The following RAB5IF variants were observed in gnomAD, a reference collection of about 807,000 sequenced individuals.
RAB5IF encodes the protein GEL complex subunit OPTI.
A neutral mutation model predicts 20.3 loss-of-function variants in RAB5IF; 15 were observed. The ratio of observed to expected loss-of-function variants is 0.74; its 90% CI spans 0.50 to 1.14. RAB5IF has a LOEUF of 1.14. Among genes scored for constraint, RAB5IF ranks in the 50% most tolerant of loss-of-function variants. RAB5IF has a pLI of 0.00. For missense variants in RAB5IF, 148 were observed against 159.5 expected, an observed-to-expected ratio of 0.93 and a Z score of 0.39; for synonymous variants, 67 against 63.7, an observed-to-expected ratio of 1.05 and a Z score of -0.25.
In RAB5IF at chr20:36,606,009, C is replaced by T. The variant is rs1478776984; in HGVS notation, c.58C>T (p.Leu20Phe). 10 of 1,529,574 alleles carry T rather than the reference C, an allele frequency of 6.5e-6. No individual in the cohort carries two copies. The highest frequency in any genetic ancestry group is 8.8e-6 in the Non-Finnish European group (10 of 1,135,516). 94.8% of individuals were successfully genotyped at this position (1,529,574 alleles called of 1,614,324 possible). The change falls in exon 1 of 4, where the codon CTC becomes TTC. Residue 20 changes from leucine (L) to phenylalanine (F), a missense_variant. Transcript: ENST00000344795. ...TCAGCCGCAGCTGGCCAACGGGGCCCTCAAAGTCTCCGTCTGGAGTAAGGT... is the reference window on the plus strand; with the variant it reads ...TCAGCCGCAGCTGGCCAACGGGGCCTTCAAAGTCTCCGTCTGGAGTAAGGT... The part of the protein sequence containing the change: ...PPQPQLANGA[L>F]KVSVWSKVLR...
intron 1 of RAB5IF, 49 bp downstream of exon 1, chr20:36,606,114 TCGGGGAACGGAAGACTGGCG>T (rs1322791756): frequency 5.2e-6 from 6 of 1,153,654 alleles, no homozygotes; most frequent in Non-Finnish European, 7.1e-6. Context: ...CGGCTGGGAC[TCGGGGAACGGAAGACTGGCG>T]CGGGCCTGCC....
chr20:36,607,374 G>T (rs1332261751), intron 1 of RAB5IF, among the ~76,000 whole-genome samples: 2 of 150,152 alleles, frequency 1.3e-5, no homozygotes. Context: ...GATTAAAGGC[G>T]CCCGCCACAA....
chr20:36,609,252 C>A (rs1568595774), intron 2 of RAB5IF, among the ~76,000 whole-genome samples: 2 of 135,870 alleles, frequency 1.5e-5, no homozygotes, highest in East Asian at 2.0e-4. Flanking sequence ...CACACACACA[C>A]ACACTATATA....
At chr20:36,609,220 C>CT (rs2039035162) in intron 2 of RAB5IF, among the ~76,000 whole-genome samples, 1 of 99,844 alleles carries the variant, frequency 1.0e-5, no homozygotes, top group Admixed American at 1.0e-4. Context: ...CGCACACACG[C>CT]ACACACACAC....
At chr20:36,610,444 G>T (rs902787678) in intron 3 of RAB5IF, among the ~76,000 whole-genome samples, 8 of 152,174 alleles carry the variant, frequency 5.3e-5, no homozygotes, top group Admixed American at 5.2e-4. Flanking sequence ...GCTCACACCT[G>T]TAATCCCAGC....
chr20:36,608,668 A>G (rs1600802202), intron 2 of RAB5IF, among the ~76,000 whole-genome samples: 1 of 150,014 alleles, frequency 6.7e-6, no homozygotes, highest in Non-Finnish European at 1.5e-5. Flanking sequence ...GGTTCAAGCA[A>G]TTCTTCTGCC....
Position 36,605,924 on chromosome 20 carries a change from G to T in RAB5IF, c.-28G>T, listed in dbSNP as rs1255869746. On this transcript the variant is annotated 5_prime_UTR_variant, in exon 1 of 4. In the 5' UTR this introduces an upstream ATG that the reference lacks. Transcript: ENST00000344795. ...CCTTTGGCTCAGCCCGCGCGCCCCA[G>T]GCCCGGCCCGGGCGGCGCGACGGGA... 5 of 1,447,494 alleles carry T rather than the reference G, an allele frequency of 3.5e-6. No homozygotes were observed. The highest frequency in any genetic ancestry group is 4.6e-6 in the Non-Finnish European group (5 of 1,085,632). The allele number at this position is 1,447,494 out of a possible 1,614,324, so 89.7% of individuals were successfully genotyped here.
intron 1 of RAB5IF, among the ~76,000 whole-genome samples, chr20:36,607,206 T>C (rs943322850): frequency 6.6e-6 from 1 of 152,190 alleles, no homozygotes; most frequent in African/African-American, 2.4e-5. Flanking sequence ...CTCTAGAATT[T>C]TGATTTAGAG....
chr20:36,609,156 T>TATTACACACACACAC (rs1555790779), intron 2 of RAB5IF, among the ~76,000 whole-genome samples: 1 of 17,052 alleles, frequency 5.9e-5, no homozygotes, highest in Non-Finnish European at 1.1e-4. Context: ...AGAACTATAT[T>TATTACACACACACAC]ACACACACAC....
At chr20:36,609,156 T>TACATACATATACACACAC in intron 2 of RAB5IF, among the ~76,000 whole-genome samples, 3 of 17,064 alleles carry the variant, frequency 1.8e-4, no homozygotes, top group African/African-American at 2.4e-4. Context: ...AGAACTATAT[T>TACATACATATACACACAC]ACACACACAC....
intron 1 of RAB5IF, 62 bp downstream of exon 1, chr20:36,606,127 G>C (rs1212257769): frequency 9.6e-7 from 1 of 1,046,566 alleles, no homozygotes; most frequent in Non-Finnish European, 1.3e-6. Context: ...GGGAACGGAA[G>C]ACTGGCGCGG....
chr20:36,609,211 G>GA lies in RAB5IF; in HGVS notation c.219-390_219-389insA, dbSNP rs2039032195. On this transcript the variant is annotated intron_variant, in intron 2 of 3. Transcript: ENST00000344795. Reference sequence around the variant, plus strand: ...CACACACACGCACACACGCACACACGCACACACGCACACACACACACACAC... The same window carrying GA: ...CACACACACGCACACACGCACACACGACACACACGCACACACACACACACAC... 1.1e-4 allele frequency among the ~76,000 whole-genome samples: 4 copies of GA among 36,628 alleles called. 1 individual carries two copies. In the South Asian group the frequency reaches 4.6e-3, roughly 42 times the overall value. The allele number at this position is 36,628 out of a possible 152,430, so 24.0% of individuals were successfully genotyped here. A position where few individuals can be genotyped will look rare whatever the true frequency, so the allele number is the denominator to read the frequency against.
Position 36,612,001 on chromosome 20 carries a change from C to T in RAB5IF, c.349-9C>T, listed in dbSNP as rs950069399. On this transcript the variant is annotated splice_polypyrimidine_tract_variant and intron_variant, in intron 3 of 3. Transcript: ENST00000344795. ...GGTGACCTATGAACAGTGCTTGTCTCCTCACTAGGTCATTTGGATCATCTT... is the reference window on the plus strand; with the variant it reads ...GGTGACCTATGAACAGTGCTTGTCTTCTCACTAGGTCATTTGGATCATCTT... 1.2e-6 allele frequency: 2 copies of T among 1,614,130 alleles called. No homozygotes were observed. The highest frequency in any genetic ancestry group is 1.7e-6 in the Non-Finnish European group (2 of 1,180,030).
intron 2 of RAB5IF, among the ~76,000 whole-genome samples, chr20:36,608,402 A>T (rs1371193118): frequency 6.6e-6 from 1 of 151,598 alleles, no homozygotes; most frequent in Non-Finnish European, 1.5e-5. Flanking sequence ...GAGCCACCAC[A>T]CCTGGCTAAT....
intron 3 of RAB5IF, 37 bp downstream of exon 3, chr20:36,609,767 C>T: frequency 6.2e-7 from 1 of 1,613,984 alleles, no homozygotes; most frequent in Non-Finnish European, 8.5e-7. Context: ...AGGTACTGTT[C>T]ATTTCATGAG....
At position 36,609,694 on chromosome 20, in the gene RAB5IF, G is replaced by C. The variant is rs778931408; in HGVS notation, c.312G>C (p.Thr104=). The C allele has an allele frequency of 7.4e-6, 12 of 1,614,204 alleles. 1 individual carries two copies. In the South Asian group the frequency reaches 1.1e-4, roughly 15 times the overall value. Residue 104 remains threonine (T), a synonymous_variant, in exon 3 of 4, where the codon ACG becomes ACC. Coordinates refer to ENST00000344795, the MANE Select transcript of RAB5IF (RefSeq NM_018840.5). ...EEEYGGTWEL[T]KEGFMTSFAL... is the part of the protein sequence containing the mutation. Reference sequence around the variant, plus strand: ...AATATGGTGGCACGTGGGAGCTCACGAAGGAAGGGTTTATGACCTCTTTTG... The same window carrying C: ...AATATGGTGGCACGTGGGAGCTCACCAAGGAAGGGTTTATGACCTCTTTTG...
intron 2 of RAB5IF, among the ~76,000 whole-genome samples, chr20:36,609,207 A>ACACACACACACACACACACACACACACC (rs2039031519): frequency 1.5e-5 from 1 of 65,848 alleles, no homozygotes. Context: ...ACACACGCAC[A>ACACACACACACACACACACACACACACC]CACGCACACA....
Position 36,606,057 on chromosome 20 carries a change from G to T in RAB5IF, c.106G>T (p.Glu36Ter). Reference sequence around the variant, plus strand: ...GGTGCTGCGGAGCGACGCGGCCTGGGAGGATAAGGTACGGTGGAGTCTGAA... The same window carrying T: ...GGTGCTGCGGAGCGACGCGGCCTGGTAGGATAAGGTACGGTGGAGTCTGAA... The part of the protein sequence containing the change: ...SKVLRSDAAW[E>*]DKDEFLDVIY... The change falls in exon 1 of 4, where the codon GAG becomes TAG. Residue 36 changes from glutamate (E) to a stop codon, truncating the protein, a stop_gained. Transcript: ENST00000344795. LOFTEE classifies it high-confidence loss of function. The T allele has an allele frequency of 6.6e-7, 1 of 1,509,944 alleles. No homozygotes were observed. Among genetic ancestry groups the T allele is most frequent in the Non-Finnish European group, 8.9e-7 (1 of 1,123,010 alleles). 93.5% of individuals were successfully genotyped at this position (1,509,944 alleles called of 1,614,324 possible). A position where few individuals can be genotyped will look rare whatever the true frequency, so the allele number is the denominator to read the frequency against.
intron 3 of RAB5IF, among the ~76,000 whole-genome samples, chr20:36,610,918 G>A (rs2039095880): frequency 6.6e-6 from 1 of 152,158 alleles, no homozygotes; most frequent in African/African-American, 2.4e-5. Context: ...AAGGAAACAG[G>A]CTCTTTTTGG....
Sources: gnomAD v4.1 joint callset for allele counts (sites outside exome capture counted in the v4.1 genomes callset) on GRCh38, gnomAD v4.1.1 for gene constraint, MANE v1.5 for transcripts, NCBI Gene and HGNC (gene_info 2026-07-23, HGNC 2026-07-21) for gene names.